The following SLC25A21 variants were observed in gnomAD, a reference collection of about 807,000 sequenced individuals.
The protein encoded by SLC25A21 is solute carrier family 25 member 21, also known as mitochondrial 2-oxodicarboxylate carrier.
In SLC25A21, 47 loss-of-function variants were observed where a neutral mutation model predicts 43.8. The ratio of observed to expected loss-of-function variants is 1.07; its 90% CI spans 0.85 to 1.37. SLC25A21 has a LOEUF of 1.37. SLC25A21 is among the 40% of genes most tolerant of loss of function. The probability of loss-of-function intolerance (pLI) is 0.00; values close to 1 mark genes in which losing one functional copy is unlikely to be tolerated. For synonymous variants in SLC25A21, 131 were observed against 121.3 expected (o/e 1.08, Z -0.52); for missense variants, 352 against 350.2 (o/e 1.00, Z -0.04).
chr14:36,988,553 A>G (rs1402636751), intron 1 of SLC25A21, among the ~76,000 whole-genome samples: 10 of 152,182 alleles, frequency 6.6e-5, no homozygotes, highest in African/African-American at 2.2e-4. Flanking sequence ...AACTGATAAG[A>G]TATGGTTGCT....
chr14:37,085,149 T>C (rs921384787), intron 1 of SLC25A21, among the ~76,000 whole-genome samples: 2 of 152,152 alleles, frequency 1.3e-5, no homozygotes, highest in African/African-American at 2.4e-5. Context: ...ATGCCACTGT[T>C]GCTCCTTATT....
At chr14:36,707,395 A>G (rs1158678052) in intron 7 of SLC25A21, among the ~76,000 whole-genome samples, 1 of 152,174 alleles carries the variant, frequency 6.6e-6, no homozygotes, top group African/African-American at 2.4e-5. Context: ...CACTCAATAA[A>G]TATGGGTTCA....
At chr14:37,169,346 C>T (rs974105077) in intron 1 of SLC25A21, among the ~76,000 whole-genome samples, 3 of 152,010 alleles carry the variant, frequency 2.0e-5, no homozygotes, top group Admixed American at 2.0e-4. Flanking sequence ...TTATTACCTG[C>T]CTCCCTGCTG....
chr14:36,684,687 G>A (rs1036996141), intron 8 of SLC25A21, 57 bp downstream of exon 8: 26 of 1,487,620 alleles, frequency 1.7e-5, no homozygotes, highest in Middle Eastern at 1.8e-4. Context: ...AGGACAATAC[G>A]GTTCTAACAA....
At chr14:36,882,260 G>A (rs1890754487) in intron 1 of SLC25A21, among the ~76,000 whole-genome samples, 3 of 152,156 alleles carry the variant, frequency 2.0e-5, no homozygotes. Context: ...ATGTGCACCT[G>A]TAGTCCCAGC....
intron 1 of SLC25A21, among the ~76,000 whole-genome samples, chr14:36,972,642 T>C (rs1035620019): frequency 6.6e-6 from 1 of 151,972 alleles, no homozygotes; most frequent in Non-Finnish European, 1.5e-5. Flanking sequence ...CAGGTAGTAA[T>C]TGACGAGGGA....
intron 3 of SLC25A21, among the ~76,000 whole-genome samples, chr14:36,744,304 T>C (rs1217540185): frequency 1.3e-5 from 2 of 152,118 alleles, no homozygotes; most frequent in Non-Finnish European, 2.9e-5. Flanking sequence ...AAGGCTATAA[T>C]AACCAAAACA....
chr14:37,013,780 C>T (rs982431353), intron 1 of SLC25A21, among the ~76,000 whole-genome samples: 1 of 151,812 alleles, frequency 6.6e-6, no homozygotes, highest in African/African-American at 2.4e-5. Flanking sequence ...CTTTTCTTTA[C>T]TTTTTATTTA....
At chr14:36,840,168 T>C (rs1308154182) in intron 2 of SLC25A21, among the ~76,000 whole-genome samples, 3 of 151,930 alleles carry the variant, frequency 2.0e-5, no homozygotes, top group Non-Finnish European at 4.4e-5. Flanking sequence ...CATTATCATA[T>C]CTCAGAGTAA....
At chr14:36,690,478 G>A (rs1882750097) in intron 7 of SLC25A21, among the ~76,000 whole-genome samples, 1 of 152,134 alleles carries the variant, frequency 6.6e-6, no homozygotes, top group Non-Finnish European at 1.5e-5. Flanking sequence ...AGCTCCTTCT[G>A]ACTCCCAAGC....
At position 37,118,447 on chromosome 14, in the gene SLC25A21, A is replaced by G. The variant is rs556490560; in HGVS notation, c.70+53834T>C. ...AGCCTCCAAATTTTTAGGGAGGCTG[A>G]TTTGAGTAATAATAAAACTCCGCTC... On this transcript the variant is annotated intron_variant, in intron 1 of 9. Coordinates refer to ENST00000331299, the MANE Select transcript of SLC25A21 (RefSeq NM_030631.4). 2.6e-5 allele frequency among the ~76,000 whole-genome samples: 4 copies of G among 152,272 alleles called. No homozygotes were observed. In the South Asian group the frequency reaches 8.3e-4, roughly 32 times the overall value.
Position 36,716,096 on chromosome 14 carries a change from T to TAATAAATAAATAAATA in SLC25A21, c.439-4630_439-4615dup, listed in dbSNP as rs112429500. On this transcript the variant is annotated intron_variant, in intron 6 of 9. Coordinates refer to ENST00000331299, the MANE Select transcript of SLC25A21 (RefSeq NM_030631.4). ...ACAGAGTGAGACTCTGTCTCAAAAATAATAAATAAATAAATAAATAAATAA... is the reference window on the plus strand; with the variant it reads ...ACAGAGTGAGACTCTGTCTCAAAAATAATAAATAAATAAATAAATAAATAAATAAATAAATAAATAA... 1.9e-3 allele frequency among the ~76,000 whole-genome samples: 288 copies of TAATAAATAAATAAATA among 151,454 alleles called. 1 individual carries two copies. The highest frequency in any genetic ancestry group is 6.5e-3 in the African/African-American group (267 of 41,238).
At chr14:37,168,261 C>T (rs1221949526) in intron 1 of SLC25A21, among the ~76,000 whole-genome samples, 1 of 152,080 alleles carries the variant, frequency 6.6e-6, no homozygotes, top group East Asian at 1.9e-4. Context: ...GTTTCTCTGA[C>T]TCTCTCATTA....
chr14:36,861,191 C>G (rs1035572253), intron 2 of SLC25A21, among the ~76,000 whole-genome samples: 4 of 152,176 alleles, frequency 2.6e-5, no homozygotes, highest in African/African-American at 7.2e-5. Context: ...ATGTTAAACA[C>G]TTTTTATCAA....
chr14:37,145,013 T>C (rs1216347818), intron 1 of SLC25A21, among the ~76,000 whole-genome samples: 2 of 152,226 alleles, frequency 1.3e-5, no homozygotes, highest in East Asian at 3.9e-4. Flanking sequence ...TCCCTCTCCA[T>C]TAATAATAAC....
intron 1 of SLC25A21, among the ~76,000 whole-genome samples, chr14:37,006,333 A>G (rs1043540062): frequency 6.6e-6 from 1 of 151,456 alleles, no homozygotes; most frequent in Non-Finnish European, 1.5e-5. Flanking sequence ...AATGTTAAAT[A>G]AAAACTAGTT....
At chr14:37,019,653 A>T (rs573403929) in intron 1 of SLC25A21, among the ~76,000 whole-genome samples, 255 of 53,824 alleles carry the variant, frequency 4.7e-3, no homozygotes, top group African/African-American at 6.4e-3. Flanking sequence ...GACAACTGGT[A>T]AAAAAAAATT....
chr14:37,131,165 T>C (rs1566903046), intron 1 of SLC25A21, among the ~76,000 whole-genome samples: 4 of 152,202 alleles, frequency 2.6e-5, no homozygotes, highest in African/African-American at 9.6e-5. Context: ...ACATTTAAAT[T>C]TTTTTAAAGG....
chr14:36,993,575 A>G (rs1055416019), intron 1 of SLC25A21, among the ~76,000 whole-genome samples: 1 of 152,074 alleles, frequency 6.6e-6, no homozygotes, highest in African/African-American at 2.4e-5. Flanking sequence ...AGAGTTAGTG[A>G]CCCTGTGAGG....
Sources: allele counts gnomAD v4.1 joint callset (sites outside exome capture counted in the v4.1 genomes callset), GRCh38; gene constraint gnomAD v4.1.1; transcripts MANE v1.5; gene names NCBI Gene and HGNC (gene_info 2026-07-23, HGNC 2026-07-21).